Variants in ADAMTS2 observed in about 807,000 individuals in gnomAD.
ADAMTS2 encodes the protein ADAM metallopeptidase with thrombospondin type 1 motif 2.
A neutral mutation model predicts 123.0 loss-of-function variants in ADAMTS2; 50 were observed. The observed-to-expected ratio is 0.41, with a 90% confidence interval of 0.32 to 0.51. ADAMTS2 has a LOEUF of 0.51. ADAMTS2 is among the 20% of genes least tolerant of loss of function. The pLI is 0.35. For missense variants in ADAMTS2, 1,494 were observed against 1,705.2 expected (o/e 0.88, Z 2.18); for synonymous variants, 678 against 695.4 (o/e 0.98, Z 0.39).
At chr5:179,315,846 G>A (rs569403695) in intron 2 of ADAMTS2, among the ~76,000 whole-genome samples, 18 of 152,284 alleles carry the variant, frequency 1.2e-4, no homozygotes, top group African/African-American at 3.1e-4. Context: ...CAGAGCTCTC[G>A]CTGTGTGCTA....
Position 179,203,918 on chromosome 5 carries a change from T to C in ADAMTS2, c.891+3595A>G, listed in dbSNP as rs143373307. Among the ~76,000 whole-genome samples the C allele has an allele frequency of 5.8e-3, 883 of 152,282 alleles. 10 individuals are homozygous for C. Among genetic ancestry groups the C allele is most frequent in the African/African-American group, 0.02 (837 of 41,554 alleles). On this transcript the variant is annotated intron_variant, in intron 4 of 21. Transcript: ENST00000251582. Reference sequence around the variant, plus strand: ...ACACCCACGTTCACGGCAGCACTATTCACAGTAGCCCATGAGGGGGCCACC... The same window carrying C: ...ACACCCACGTTCACGGCAGCACTATCCACAGTAGCCCATGAGGGGGCCACC...
At chr5:179,329,577 G>GA (rs1362886046) in intron 2 of ADAMTS2, among the ~76,000 whole-genome samples, 13 of 152,074 alleles carry the variant, frequency 8.5e-5, no homozygotes, top group African/African-American at 2.7e-4. Context: ...ATCAAGTCAG[G>GA]AAAAAAGCAA....
chr5:179,285,069 C>T lies in ADAMTS2; in HGVS notation c.535-12005G>A, dbSNP rs573934126. ...GCTAAGCGAGATACTGCGTCTCTAG[C>T]ACTGGGCACAGCACGTGATAAATCA... On this transcript the variant is annotated intron_variant, in intron 2 of 21. Transcript: ENST00000251582. The surrounding 1 kb of genome is among the most constrained non-coding windows in gnomAD (Gnocchi z 4.9). 6.6e-6 allele frequency among the ~76,000 whole-genome samples: 1 copy of T among 152,164 alleles called. No individual in the cohort carries two copies. The highest frequency in any genetic ancestry group is 1.5e-5 in the Non-Finnish European group (1 of 68,040).
At chr5:179,221,681 G>A (rs866509218) in intron 3 of ADAMTS2, among the ~76,000 whole-genome samples, 66 of 152,132 alleles carry the variant, frequency 4.3e-4, no homozygotes, top group African/African-American at 1.4e-3. Flanking sequence ...CCATGTGGGC[G>A]GGCAGCAGCC....
intron 2 of ADAMTS2, among the ~76,000 whole-genome samples, chr5:179,291,189 G>A (rs1243204825): frequency 5.3e-5 from 8 of 152,184 alleles, no homozygotes; most frequent in Non-Finnish European, 1.2e-4. Flanking sequence ...CAGAATGAGT[G>A]CGGGGCTCTG....
chr5:179,307,437 C>A lies in ADAMTS2; in HGVS notation c.535-34373G>T, dbSNP rs1756711539. Reference sequence around the variant, plus strand: ...TTCAACAGCCCGGTCCGGGGGGCACCACCACGCAGGGGCTTCCCGGGTCAT... The same window carrying A: ...TTCAACAGCCCGGTCCGGGGGGCACAACCACGCAGGGGCTTCCCGGGTCAT... On this transcript the variant is annotated intron_variant, in intron 2 of 21. Transcript: ENST00000251582. This position sits in a 1 kb window ranked among gnomAD's most constrained non-coding sequence, Gnocchi z 5.6. Among the ~76,000 whole-genome samples the A allele has an allele frequency of 1.3e-5, 2 of 152,140 alleles. No homozygotes were observed. The highest frequency in any genetic ancestry group is 4.1e-4 in the South Asian group (2 of 4,820).
At chr5:179,167,527 T>C (rs1037189259) in intron 5 of ADAMTS2, among the ~76,000 whole-genome samples, 1 of 152,042 alleles carries the variant, frequency 6.6e-6, no homozygotes, top group Non-Finnish European at 1.5e-5. Flanking sequence ...CAAGGAGACG[T>C]GGGAGGAAAC....
intron 15 of ADAMTS2, among the ~76,000 whole-genome samples, chr5:179,131,480 A>G (rs1454955746): frequency 5.3e-5 from 8 of 152,116 alleles, no homozygotes; most frequent in Admixed American, 2.0e-4. Context: ...GGGAGCCCCA[A>G]TCCTGTCCAG....
Position 179,189,504 on chromosome 5 carries a change from C to A in ADAMTS2, c.892-8349G>T, listed in dbSNP as rs1327395203. ...CTGGGGCTACAGGCGCCCGCCAGTG[C>A]GCCTGGTTTTTTTTTTTTTTTTTTT... On this transcript the variant is annotated intron_variant, in intron 4 of 21. Transcript: ENST00000251582. This position sits in a 1 kb window ranked among gnomAD's most constrained non-coding sequence, Gnocchi z 4.2. 8.7e-6 allele frequency among the ~76,000 whole-genome samples: 1 copy of A among 115,232 alleles called. No homozygotes were observed. Among genetic ancestry groups the A allele is most frequent in the Non-Finnish European group, 1.7e-5 (1 of 58,058 alleles). The allele number at this position is 115,232 out of a possible 152,430, so 75.6% of individuals were successfully genotyped here.
intron 4 of ADAMTS2, among the ~76,000 whole-genome samples, chr5:179,207,059 C>T (rs561442437): frequency 1.6e-4 from 24 of 152,252 alleles, no homozygotes; most frequent in Middle Eastern, 3.4e-3. Flanking sequence ...CTGTTTGGAG[C>T]GAGAAGAAGG....
chr5:179,133,722 T>C (rs1474307821), intron 13 of ADAMTS2, among the ~76,000 whole-genome samples: 1 of 151,800 alleles, frequency 6.6e-6, no homozygotes, highest in Non-Finnish European at 1.5e-5. Context: ...ATATTTAACC[T>C]ATTCTTTTTT....
chr5:179,145,309 A>G (rs148035453), intron 10 of ADAMTS2, among the ~76,000 whole-genome samples: 9 of 152,282 alleles, frequency 5.9e-5, no homozygotes, highest in African/African-American at 1.2e-4. Flanking sequence ...GCTTTGGGAA[A>G]CTGGCAGTTC....
chr5:179,201,069 G>A (rs948738727), intron 4 of ADAMTS2, among the ~76,000 whole-genome samples: 12 of 152,330 alleles, frequency 7.9e-5, no homozygotes, highest in East Asian at 5.8e-4. Flanking sequence ...ACTTATCTCC[G>A]TTGTAATTAA....
intron 3 of ADAMTS2, among the ~76,000 whole-genome samples, chr5:179,218,286 A>C (rs1765049311): frequency 6.6e-6 from 1 of 152,234 alleles, no homozygotes; most frequent in African/African-American, 2.4e-5. Context: ...AACGGGAACA[A>C]GGTCATCCCC....
intron 3 of ADAMTS2, among the ~76,000 whole-genome samples, chr5:179,233,378 T>C (rs1765454531): frequency 1.7e-5 from 1 of 58,380 alleles, no homozygotes; most frequent in Non-Finnish European, 3.0e-5. Context: ...TTAAAATGTG[T>C]CACATTAAAA....
At chr5:179,323,918 A>G (rs77405396) in intron 2 of ADAMTS2, among the ~76,000 whole-genome samples, 443 of 152,384 alleles carry the variant, frequency 2.9e-3, no homozygotes, top group African/African-American at 9.9e-3. Flanking sequence ...GAGTGGATTT[A>G]AAAAACTGTG....
At position 179,222,055 on chromosome 5, in the gene ADAMTS2, G is replaced by A. The variant is rs563343033; in HGVS notation, c.689-14340C>T. On this transcript the variant is annotated intron_variant, in intron 3 of 21. Transcript: ENST00000251582. ...CAGTGCAGCCGCCACTCTGAGCCCA[G>A]AGGCCAGGCCATCCAACCCTGCAGG... Among the ~76,000 whole-genome samples, 55 of 152,222 alleles carry A rather than the reference G, an allele frequency of 3.6e-4. 1 individual carries two copies. In the South Asian group the frequency reaches 0.011, roughly 30 times the overall value.
At chr5:179,264,351 A>C (rs567791518) in intron 3 of ADAMTS2, among the ~76,000 whole-genome samples, 1 of 152,204 alleles carries the variant, frequency 6.6e-6, no homozygotes, top group Non-Finnish European at 1.5e-5. Context: ...CCTTGCCCAA[A>C]CTTCACCCCA....
intron 3 of ADAMTS2, among the ~76,000 whole-genome samples, chr5:179,264,529 T>G (rs1766310623): frequency 2.6e-5 from 4 of 152,198 alleles, no homozygotes; most frequent in Admixed American, 2.6e-4. Flanking sequence ...CGTGAGCAGA[T>G]CACAGCTTCA....
Sources: gnomAD v4.1 joint callset for allele counts (sites outside exome capture counted in the v4.1 genomes callset) on GRCh38, gnomAD v4.1.1 for gene constraint, Gnocchi (gnomAD v3.1) non-coding constraint, MANE v1.5 for transcripts, NCBI Gene and HGNC (gene_info 2026-07-23, HGNC 2026-07-21) for gene names.